The following VAV1 variants were observed in gnomAD, a reference collection of about 807,000 sequenced individuals.
VAV1 encodes the protein vav guanine nucleotide exchange factor 1, also known as proto-oncogene vav.
In VAV1, 33 loss-of-function variants were observed where a neutral mutation model predicts 128.1. That is an observed-to-expected ratio of 0.26 (90% CI 0.20 to 0.34). The LOEUF (loss-of-function observed/expected upper bound fraction) is 0.34, where lower values mean the gene tolerates loss of function less well. Ranked by LOEUF, VAV1 falls within the 10% of genes least tolerant of loss-of-function variation. The probability of loss-of-function intolerance (pLI) is 1.00; values close to 1 mark genes in which losing one functional copy is unlikely to be tolerated. For missense variants in VAV1, 715 were observed against 1,093.7 expected, an observed-to-expected ratio of 0.65 and a Z score of 4.88; for synonymous variants, 394 against 409.8, an observed-to-expected ratio of 0.96 and a Z score of 0.47.
intron 19 of VAV1, chr19:6,835,756 T>C (rs2144798678): frequency 6.6e-6 from 1 of 152,404 alleles, no homozygotes; most frequent in Non-Finnish European, 1.5e-5. Context: ...TGTGATGATA[T>C]CACAATTTGT....
At chr19:6,780,292 T>C (rs375613769) in intron 1 of VAV1, among the ~76,000 whole-genome samples, 5 of 150,308 alleles carry the variant, frequency 3.3e-5, no homozygotes, top group Admixed American at 1.3e-4. Context: ...TTGTGGGGGA[T>C]AAGTGTATTA....
intron 1 of VAV1, among the ~76,000 whole-genome samples, chr19:6,802,955 G>A (rs148859143): frequency 1.3e-5 from 2 of 152,300 alleles, no homozygotes; most frequent in East Asian, 3.9e-4. Flanking sequence ...GAACATTTAT[G>A]TCCACACAAA....
chr19:6,854,207 T>C (rs537768364), intron 26 of VAV1, 109 bp downstream of exon 26: 2 of 1,408,520 alleles, frequency 1.4e-6, no homozygotes, highest in Non-Finnish European at 1.9e-6. Context: ...CATGGAGATC[T>C]CTCACGGTGG....
chr19:6,848,074 C>A lies in VAV1; in HGVS notation c.2089C>A (p.Gln697Lys). Residue 697 changes from glutamine (Q) to lysine (K), a missense_variant, in exon 23 of 27, where the codon CAG (glutamine) becomes AAG (lysine). Coordinates refer to ENST00000602142, the MANE Select transcript of VAV1 (RefSeq NM_005428.4). ...CTCGGACGGGACTTTCTTGGTGCGG[C>A]AGAGGGTGAAGGATGCAGCAGAATT... is the stretch of plus-strand genomic sequence containing the variant. ...NRSDGTFLVR[Q>K]RVKDAAEFAI... The A allele has an allele frequency of 6.4e-7, 1 of 1,552,218 alleles. No homozygotes were observed. The highest frequency in any genetic ancestry group is 2.2e-5 in the Admixed American group (1 of 46,108).
intron 1 of VAV1, among the ~76,000 whole-genome samples, chr19:6,792,751 G>A (rs150453557): frequency 4.7e-4 from 71 of 152,090 alleles, no homozygotes; most frequent in African/African-American, 7.0e-4. Context: ...GGCAGCAGTG[G>A]GGGCGAGGGG....
At chr19:6,819,766 G>GCC (rs1971743104) in intron 1 of VAV1, among the ~76,000 whole-genome samples, 1 of 152,200 alleles carries the variant, frequency 6.6e-6, no homozygotes, top group African/African-American at 2.4e-5. Flanking sequence ...TGGATGGAAG[G>GCC]CTGGTTAGAA....
At chr19:6,810,021 A>T (rs1971482043) in intron 1 of VAV1, among the ~76,000 whole-genome samples, 1 of 152,120 alleles carries the variant, frequency 6.6e-6, no homozygotes, top group African/African-American at 2.4e-5. Context: ...AAATAAAAAT[A>T]AAAATAACGT....
chr19:6,787,880 T>C (rs1283045828), intron 1 of VAV1, among the ~76,000 whole-genome samples: 3 of 151,680 alleles, frequency 2.0e-5, no homozygotes, highest in Non-Finnish European at 4.4e-5. Context: ...ATCGAGACCA[T>C]CCTGGCTAAC....
rs906408608 is a variant in VAV1 at position 6,814,843 on chromosome 19, T to C, written c.205-5859T>C. On this transcript the variant is annotated intron_variant, in intron 1 of 26. Coordinates refer to ENST00000602142, the MANE Select transcript of VAV1 (RefSeq NM_005428.4). ...GTAGTTCTGATTTCAAAGGGAATCT[T>C]TTCAACATCTCATTATTAAGTACAG... Among the ~76,000 whole-genome samples, 3 of 151,644 alleles carry C rather than the reference T, an allele frequency of 2.0e-5. No homozygotes were observed. The Admixed American group carries it at 2.0e-4, about 10-fold the overall frequency.
chr19:6,824,982 C>T (rs1971881331), intron 6 of VAV1, 71 bp from the exon 7 acceptor site: 2 of 1,489,678 alleles, frequency 1.3e-6, no homozygotes, highest in Non-Finnish European at 1.9e-6. Flanking sequence ...TGTCTCCTTC[C>T]CCTGTCTCTC....
chr19:6,795,468 T>TTTTATTTATTTATTTA (rs56844379), intron 1 of VAV1, among the ~76,000 whole-genome samples: 38 of 151,202 alleles, frequency 2.5e-4, no homozygotes, highest in East Asian at 1.4e-3. Context: ...GGCGTAGTTC[T>TTTTATTTATTTATTTA]TTTATTTATT....
rs1970672564 is a variant in VAV1, at chr19:6,777,434, G to T, written c.204+4423G>T. Among the ~76,000 whole-genome samples the T allele has an allele frequency of 1.3e-5, 2 of 152,196 alleles. No individual in the cohort carries two copies. Among genetic ancestry groups the T allele is most frequent in the Non-Finnish European group, 1.5e-5 (1 of 68,038 alleles). On this transcript the variant is annotated intron_variant, in intron 1 of 26. Coordinates refer to ENST00000602142, the MANE Select transcript of VAV1 (RefSeq NM_005428.4). The surrounding 1 kb of genome is among the most constrained non-coding windows in gnomAD (Gnocchi z 4.4). ...AATAAGACAATGTATAAGTCATCAG[G>T]AGGTGGTATGTACTGCTCTGGAGAA...
At chr19:6,812,880 T>C (rs2174759) in intron 1 of VAV1, among the ~76,000 whole-genome samples, 19,035 of 151,964 alleles carry the variant, frequency 0.13, 2,416 homozygotes, top group African/African-American at 0.33. Context: ...AGAATGGTGA[T>C]GGTGGTGATG....
intron 1 of VAV1, among the ~76,000 whole-genome samples, chr19:6,796,753 C>T (rs1239237477): frequency 6.6e-6 from 1 of 152,084 alleles, no homozygotes; most frequent in Non-Finnish European, 1.5e-5. Flanking sequence ...ATTCCTTTTC[C>T]TACTTATTTT....
At chr19:6,836,627 A>G (rs1205446997) in intron 20 of VAV1, 59 bp downstream of exon 20, 1 of 1,595,540 alleles carries the variant, frequency 6.3e-7, no homozygotes, top group African/African-American at 1.3e-5. Flanking sequence ...TTATGGATTC[A>G]TGTGGTCTCA....
At chr19:6,782,172 A>G (rs2144696330) in intron 1 of VAV1, among the ~76,000 whole-genome samples, 1 of 152,080 alleles carries the variant, frequency 6.6e-6, no homozygotes, top group Non-Finnish European at 1.5e-5. Context: ...TCTACTACAA[A>G]TACAATAATT....
At chr19:6,819,643 A>T (rs1226939187) in intron 1 of VAV1, among the ~76,000 whole-genome samples, 1 of 152,078 alleles carries the variant, frequency 6.6e-6, no homozygotes, top group Admixed American at 6.5e-5. Context: ...TGGAAGATGG[A>T]TTTTAACCAA....
At chr19:6,821,336 G>T (rs1375079591) in intron 2 of VAV1, among the ~76,000 whole-genome samples, 1 of 152,084 alleles carries the variant, frequency 6.6e-6, no homozygotes, top group African/African-American at 2.4e-5. Flanking sequence ...GGGAGGTGGA[G>T]GTTGTAGTGA....
chr19:6,848,020 G>T lies in VAV1; in HGVS notation c.2035G>T (p.Ala679Ser). The T allele has an allele frequency of 6.5e-7, 1 of 1,529,078 alleles. No individual in the cohort carries two copies. Among genetic ancestry groups the T allele is most frequent in the Non-Finnish European group, 8.7e-7 (1 of 1,146,212 alleles). The allele number at this position is 1,529,078 out of a possible 1,614,324, so 94.7% of individuals were successfully genotyped here. Reference protein sequence around the residue: ...HLWYAGPMERAGAESILANRS... With the variant: ...HLWYAGPMERSGAESILANRS... ...CAGGTACGCAGGCCCCATGGAGCGG[G>T]CAGGGGCAGAGAGCATCCTGGCCAA... is the stretch of plus-strand genomic sequence containing the variant. The change falls in exon 23 of 27, where the codon GCA (alanine) becomes TCA (serine). Residue 679 changes from alanine (A) to serine (S), a missense_variant. Physicochemically the swap from Ala to Ser is moderately conservative, Grantham distance 99 (BLOSUM62 1). Transcript: ENST00000602142.
Sources: gnomAD v4.1 joint callset for allele counts (sites outside exome capture counted in the v4.1 genomes callset) on GRCh38, gnomAD v4.1.1 for gene constraint, Gnocchi (gnomAD v3.1) non-coding constraint, MANE v1.5 for transcripts, NCBI Gene and HGNC (gene_info 2026-07-23, HGNC 2026-07-21) for gene names.